Variants in AHI1 observed in about 807,000 individuals in gnomAD.
The protein encoded by AHI1 is jouberin.
A neutral mutation model predicts 149.3 loss-of-function variants in AHI1; 123 were observed. The observed-to-expected ratio is 0.82, with a 90% CI of 0.71 to 0.96. The LOEUF is 0.96. Ranked by LOEUF, AHI1 falls within the 40% of genes least tolerant of loss-of-function variation. The pLI, the probability that AHI1 is intolerant of heterozygous loss-of-function variation, is 0.00. For synonymous variants in AHI1, 475 were observed against 459.8 expected (o/e 1.03, Z -0.42); for missense variants, 1,439 against 1,422.7 (o/e 1.01, Z -0.18).
chr6:135,457,481 T>TA lies in AHI1; in HGVS notation c.1151+12dup, dbSNP rs770881259. ...CAGTTTCAAGAATTAGTTGTGCAAT[T>TA]AAAAAAAATTACCTATCATCTTTCT... On this transcript the variant is annotated intron_variant, in intron 9 of 28. Coordinates refer to ENST00000265602, the MANE Select transcript of AHI1 (RefSeq NM_001134831.2). 5.7e-6 allele frequency: 9 copies of TA among 1,588,480 alleles called. No individual in the cohort carries two copies. The highest frequency in any genetic ancestry group is 2.7e-5 in the African/African-American group (2 of 74,430).
At chr6:135,450,258 T>C (rs1469008401) in intron 11 of AHI1, among the ~76,000 whole-genome samples, 3 of 152,112 alleles carry the variant, frequency 2.0e-5, no homozygotes, top group Non-Finnish European at 4.4e-5. Flanking sequence ...AATGCATAGA[T>C]GTGACAAAAT....
intron 5 of AHI1, among the ~76,000 whole-genome samples, chr6:135,483,805 G>A (rs1754217925): frequency 1.3e-5 from 2 of 152,090 alleles, no homozygotes; most frequent in Admixed American, 1.3e-4. Flanking sequence ...CCATTTTCAT[G>A]TACTTCCTAT....
intron 13 of AHI1, 106 bp from the exon 14 acceptor site, chr6:135,442,820 A>C: frequency 1.9e-6 from 2 of 1,072,998 alleles, no homozygotes. Flanking sequence ...TATGATGCAG[A>C]GAAAGAGAAA....
intron 13 of AHI1, among the ~76,000 whole-genome samples, chr6:135,444,009 T>C (rs1257194928): frequency 6.6e-6 from 1 of 152,194 alleles, no homozygotes; most frequent in Non-Finnish European, 1.5e-5. Flanking sequence ...ACTATCATGT[T>C]CTTTGTATTC....
At chr6:135,394,668 TAAAA>T in intron 23 of AHI1, 104 bp downstream of exon 23, 1 of 1,461,068 alleles carries the variant, frequency 6.8e-7, no homozygotes, top group Non-Finnish European at 9.3e-7. Context: ...TTGTCAAGTG[TAAAA>T]ACCGACCATT....
rs1333343554 is a variant in AHI1 at position 135,290,528 on chromosome 6, A to G, written c.3486-3T>C. 6.2e-7 allele frequency: 1 copy of G among 1,613,576 alleles called. No individual in the cohort carries two copies. The highest frequency in any genetic ancestry group is 8.5e-7 in the Non-Finnish European group (1 of 1,179,766). On this transcript the variant is annotated splice_polypyrimidine_tract_variant and splice_region_variant and intron_variant, in intron 27 of 28. Transcript: ENST00000265602. ...TCTGTTCTTTTCTCATTTCAGAACT[A>G]TAGGAGGGAAAGATCAGAAACAAGG...
intron 26 of AHI1, chr6:135,300,881 A>G: frequency 9.7e-7 from 1 of 1,030,696 alleles, no homozygotes; most frequent in Non-Finnish European, 1.2e-6. Flanking sequence ...AATGTGGTAT[A>G]TTACTTAAGC....
At position 135,389,339 on chromosome 6, in the gene AHI1, T is replaced by C. The variant is rs377709689; in HGVS notation, c.3109+5437A>G. On this transcript the variant is annotated intron_variant, in intron 23 of 28. Coordinates refer to ENST00000265602, the MANE Select transcript of AHI1 (RefSeq NM_001134831.2). ...AAAAAAAAAAAAAAAATACAGTTCT[T>C]CAAATATTATTCAACATGTCGATGC... Among the ~76,000 whole-genome samples, 139 of 151,642 alleles carry C rather than the reference T, an allele frequency of 9.2e-4. 2 individuals are homozygous for C. Among genetic ancestry groups the C allele is most frequent in the African/African-American group, 3.0e-3 (123 of 41,380 alleles).
chr6:135,409,301 T>G (rs899232063), intron 21 of AHI1, among the ~76,000 whole-genome samples: 1 of 152,130 alleles, frequency 6.6e-6, no homozygotes, highest in Non-Finnish European at 1.5e-5. Context: ...AAATTTAAAA[T>G]TCTATGTCAA....
intron 23 of AHI1, among the ~76,000 whole-genome samples, chr6:135,365,032 T>G: frequency 6.6e-6 from 1 of 152,234 alleles, no homozygotes; most frequent in East Asian, 1.9e-4. Context: ...TTCATTCTTC[T>G]ACATGTGGCT....
chr6:135,426,751 G>A (rs1189847739), intron 20 of AHI1, among the ~76,000 whole-genome samples: 1 of 151,512 alleles, frequency 6.6e-6, no homozygotes, highest in African/African-American at 2.4e-5. Context: ...TGTAATTGCG[G>A]ACACGAAAGA....
rs1017916560 is a variant in AHI1 at position 135,403,983 on chromosome 6, C to G, written c.2988+968G>C. Among the ~76,000 whole-genome samples the G allele has an allele frequency of 2.0e-4, 31 of 151,570 alleles. No individual in the cohort carries two copies. The East Asian group carries it at 3.1e-3, about 15-fold the overall frequency. ...AAAGCGACAATAGCCTATTGCATTC[C>G]AAGTGCCTACTACCAAATGGTAGTA... On this transcript the variant is annotated intron_variant, in intron 22 of 28. Transcript: ENST00000265602.
chr6:135,475,535 G>A (rs547611273), intron 5 of AHI1, among the ~76,000 whole-genome samples: 28 of 152,350 alleles, frequency 1.8e-4, no homozygotes, highest in African/African-American at 6.7e-4. Context: ...GGGGTTTGGA[G>A]TCTGAGCAGC....
intron 21 of AHI1, among the ~76,000 whole-genome samples, chr6:135,407,118 T>C (rs965642453): frequency 6.6e-6 from 1 of 152,180 alleles, no homozygotes; most frequent in Non-Finnish European, 1.5e-5. Context: ...CCGACAATTA[T>C]CTATTTTTTG....
intron 11 of AHI1, among the ~76,000 whole-genome samples, chr6:135,449,889 T>C (rs1418754331): frequency 2.6e-5 from 4 of 152,192 alleles, no homozygotes; most frequent in Non-Finnish European, 4.4e-5. Flanking sequence ...CCATGTGACT[T>C]GTAGCTACCA....
chr6:135,334,421 G>C (rs1789061849), intron 24 of AHI1, among the ~76,000 whole-genome samples: 1 of 152,128 alleles, frequency 6.6e-6, no homozygotes, highest in African/African-American at 2.4e-5. Flanking sequence ...AAATCTGCCA[G>C]TCCCTTGAGC....
At chr6:135,301,040 A>G in intron 26 of AHI1, 1 of 984,942 alleles carries the variant, frequency 1.0e-6, no homozygotes, top group Non-Finnish European at 1.2e-6. Flanking sequence ...ATCTTGTTTT[A>G]TTAATGGCAC....
chr6:135,372,382 A>C (rs989130218), intron 23 of AHI1, among the ~76,000 whole-genome samples: 4 of 152,138 alleles, frequency 2.6e-5, no homozygotes, highest in Non-Finnish European at 5.9e-5. Context: ...ACAACTATTA[A>C]GATTTCTTGC....
At chr6:135,401,359 A>C (rs1279463959) in intron 22 of AHI1, among the ~76,000 whole-genome samples, 1 of 152,190 alleles carries the variant, frequency 6.6e-6, no homozygotes, top group East Asian at 1.9e-4. Context: ...CATTCCAAGC[A>C]CTTAGAAAAA....
Sources: allele counts gnomAD v4.1 joint callset (sites outside exome capture counted in the v4.1 genomes callset), GRCh38; gene constraint gnomAD v4.1.1; transcripts MANE v1.5; gene names NCBI Gene and HGNC (gene_info 2026-07-23, HGNC 2026-07-21).